COBLL1: variants seen among roughly 807,000 people sequenced by gnomAD.
The protein encoded by COBLL1 is cordon-bleu WH2 repeat protein like 1.
COBLL1 carries 50 observed loss-of-function variants against 94.8 expected under a neutral mutation model. The ratio of observed to expected loss-of-function variants is 0.53; its 90% CI spans 0.42 to 0.67. The LOEUF (loss-of-function observed/expected upper bound fraction) is 0.67, where lower values mean the gene tolerates loss of function less well. Among genes scored for constraint, COBLL1 ranks in the 30% least tolerant of loss-of-function variants. The pLI is 0.00. For synonymous variants in COBLL1, 448 were observed against 473.8 expected (o/e 0.95, Z 0.71); for missense variants, 1,362 against 1,348.7 (o/e 1.01, Z -0.15).
chr2:164,799,019 C>CAACAAA (rs1553479700), intron 2 of COBLL1, among the ~76,000 whole-genome samples: 1 of 69,838 alleles, frequency 1.4e-5, no homozygotes, highest in Admixed American at 1.8e-4. Context: ...GACTCCGTCT[C>CAACAAA]AAAAAAAAAA....
chr2:164,755,803 T>C (rs1687366916), intron 2 of COBLL1, among the ~76,000 whole-genome samples: 1 of 152,204 alleles, frequency 6.6e-6, no homozygotes, highest in Non-Finnish European at 1.5e-5. Flanking sequence ...TTTAAATTCA[T>C]GTAAACAAAT....
At chr2:164,800,253 A>C (rs1683697255) in intron 2 of COBLL1, among the ~76,000 whole-genome samples, 1 of 152,220 alleles carries the variant, frequency 6.6e-6, no homozygotes, top group South Asian at 2.1e-4. Flanking sequence ...CCAAATTAAA[A>C]ATTGGCCAGG....
chr2:164,721,626 G>C (rs959351095), intron 7 of COBLL1, among the ~76,000 whole-genome samples: 6 of 152,122 alleles, frequency 3.9e-5, no homozygotes, highest in Non-Finnish European at 8.8e-5. Flanking sequence ...CTATTCCCTG[G>C]AGAATCTGAG....
At chr2:164,707,921 C>A (rs374332193) in intron 7 of COBLL1, among the ~76,000 whole-genome samples, 2 of 152,012 alleles carry the variant, frequency 1.3e-5, no homozygotes, top group East Asian at 3.9e-4. Context: ...TTTTAATATA[C>A]CTGCCAGAGA....
Position 164,692,220 on chromosome 2 carries a change from C to T in COBLL1, c.3300+1G>A. 6.3e-7 allele frequency: 1 copy of T among 1,597,210 alleles called. No individual in the cohort carries two copies. The highest frequency in any genetic ancestry group is 8.5e-7 in the Non-Finnish European group (1 of 1,173,020). On this transcript the variant is annotated splice_donor_variant, in intron 13 of 13. Coordinates refer to ENST00000652658, the MANE Select transcript of COBLL1 (RefSeq NM_001365672.2). LOFTEE classifies it high-confidence loss of function. ...TCACCCATCTGATAAAGAAGACTTA[C>T]CCTTTTCAATTTGGCAGCAGCCTCT...
At chr2:164,784,954 GT>G (rs1688885443) in intron 2 of COBLL1, among the ~76,000 whole-genome samples, 1 of 152,070 alleles carries the variant, frequency 6.6e-6, no homozygotes, top group African/African-American at 2.4e-5. Flanking sequence ...AATGAGAGAT[GT>G]TTAGGTCACG....
At chr2:164,808,813 T>C (rs1684321946) in intron 2 of COBLL1, among the ~76,000 whole-genome samples, 1 of 152,170 alleles carries the variant, frequency 6.6e-6, no homozygotes, top group African/African-American at 2.4e-5. Context: ...TAATCTTTCA[T>C]ATATTACTGC....
At chr2:164,802,932 T>C (rs1683885412) in intron 2 of COBLL1, among the ~76,000 whole-genome samples, 1 of 152,094 alleles carries the variant, frequency 6.6e-6, no homozygotes, top group South Asian at 2.1e-4. Flanking sequence ...AACTAAATAA[T>C]CAGGTGACAT....
At chr2:164,686,635 C>A (rs1296487366) in intron 13 of COBLL1, among the ~76,000 whole-genome samples, 2 of 150,702 alleles carry the variant, frequency 1.3e-5, no homozygotes, top group Non-Finnish European at 3.0e-5. Context: ...TCCTAAGTTT[C>A]AAAATTCTAT....
Position 164,818,605 on chromosome 2 carries a change from G to GTACATATGTAAACATATATAGCGTATA in COBLL1, c.41+22550_41+22551insTATACGCTATATATGTTTACATATGTA, listed in dbSNP as rs1559046651. Among the ~76,000 whole-genome samples, 416 of 138,218 alleles carry GTACATATGTAAACATATATAGCGTATA rather than the reference G, an allele frequency of 3.0e-3. 19 individuals carry two copies. The highest frequency in any genetic ancestry group is 0.011 in the African/African-American group (378 of 35,026). 90.7% of individuals were successfully genotyped at this position (138,218 alleles called of 152,430 possible). A position where few individuals can be genotyped will look rare whatever the true frequency, so the allele number is the denominator to read the frequency against. On this transcript the variant is annotated intron_variant, in intron 2 of 13. Transcript: ENST00000652658. Reference sequence around the variant, plus strand: ...ACATATGTACACATATATAGCATATGTGTACATATGTACACATATATGGCG... The same window carrying GTACATATGTAAACATATATAGCGTATA: ...ACATATGTACACATATATAGCATATGTACATATGTAAACATATATAGCGTATATGTACATATGTACACATATATGGCG...
At chr2:164,728,680 C>A (rs1162600325) in intron 4 of COBLL1, among the ~76,000 whole-genome samples, 3 of 151,728 alleles carry the variant, frequency 2.0e-5, no homozygotes, top group African/African-American at 7.3e-5. Flanking sequence ...TGAGATAATC[C>A]ATATGAAAAG....
At chr2:164,679,571 G>A (rs1229606962), downstream of COBLL1, among the ~76,000 whole-genome samples, 1 of 152,066 alleles carries the variant, frequency 6.6e-6, no homozygotes, top group African/African-American at 2.4e-5. Flanking sequence ...AACTTCATGA[G>A]TAAAATGTGA....
chr2:164,756,535 T>C (rs959305295), intron 2 of COBLL1, among the ~76,000 whole-genome samples: 2 of 152,224 alleles, frequency 1.3e-5, no homozygotes, highest in Non-Finnish European at 2.9e-5. Flanking sequence ...GAGTAATAGT[T>C]TATTCCTAAG....
chr2:164,793,834 T>C (rs991716068), intron 2 of COBLL1, among the ~76,000 whole-genome samples: 9 of 152,222 alleles, frequency 5.9e-5, no homozygotes, highest in African/African-American at 2.2e-4. Context: ...AGACTATAAG[T>C]ATATTCCTTT....
rs150122941 is a variant in COBLL1, at chr2:164,671,827, T to C, written n.127-5926A>G. Among the ~76,000 whole-genome samples the C allele has an allele frequency of 6.0e-3, 917 of 152,218 alleles. 3 individuals are homozygous for C. The highest frequency in any genetic ancestry group is 0.021 in the African/African-American group (868 of 41,520). On this transcript the variant is annotated intron_variant and non_coding_transcript_variant, in intron 1 of 2. Coordinates refer to the COBLL1 transcript ENST00000495084. ...TATGGACTCATTAACCTCCTAGCCCTGTAACTCTGTCAATCTCAATTCTCA... is the reference window on the plus strand; with the variant it reads ...TATGGACTCATTAACCTCCTAGCCCCGTAACTCTGTCAATCTCAATTCTCA...
rs1268003621 is a variant in COBLL1, at chr2:164,805,335, C to CTATATATATATATATA, written c.41+35820_41+35821insTATATATATATATATA. Among the ~76,000 whole-genome samples, 5 of 19,832 alleles carry CTATATATATATATATA rather than the reference C, an allele frequency of 2.5e-4. 1 individual carries two copies. The highest frequency in any genetic ancestry group is 3.7e-4 in the Non-Finnish European group (4 of 10,942). 13.0% of individuals were successfully genotyped at this position (19,832 alleles called of 152,430 possible). On this transcript the variant is annotated intron_variant, in intron 2 of 13. Transcript: ENST00000652658. ...TCTCTCTCTCTCTCTCTCTCTCTCTCTCTATATATATATATATATATATAT... is the reference window on the plus strand; with the variant it reads ...TCTCTCTCTCTCTCTCTCTCTCTCTCTATATATATATATATATCTATATATATATATATATATATAT...
chr2:164,703,048 T>G, intron 9 of COBLL1: 3 of 971,184 alleles, frequency 3.1e-6, no homozygotes, highest in Non-Finnish European at 4.9e-6. Context: ...TTACAGTCGA[T>G]GATATCTTAA....
At chr2:164,666,206 G>C (rs1691156294) in intron 1 of COBLL1, among the ~76,000 whole-genome samples, 1 of 152,128 alleles carries the variant, frequency 6.6e-6, no homozygotes, top group South Asian at 2.1e-4. Context: ...TTCCATTCTA[G>C]ACCACTACAA....
At chr2:164,816,032 A>C (rs1161332891) in intron 2 of COBLL1, among the ~76,000 whole-genome samples, 1 of 152,164 alleles carries the variant, frequency 6.6e-6, no homozygotes, top group Non-Finnish European at 1.5e-5. Context: ...AGAAGTTTAT[A>C]ATTTTGTGTA....
Sources: gnomAD v4.1 joint callset for allele counts (sites outside exome capture counted in the v4.1 genomes callset) on GRCh38, gnomAD v4.1.1 for gene constraint, MANE v1.5 for transcripts, NCBI Gene and HGNC (gene_info 2026-07-23, HGNC 2026-07-21) for gene names.